The following APOO variants were observed in gnomAD, a reference collection of about 807,000 sequenced individuals.
APOO encodes apolipoprotein O.
In APOO, 11 loss-of-function variants were observed where a neutral mutation model predicts 23.1. The ratio of observed to expected loss-of-function variants is 0.48; its 90% CI spans 0.30 to 0.79. APOO has a LOEUF of 0.79. Ranked by LOEUF, APOO falls within the 30% of genes least tolerant of loss-of-function variation. The pLI, the probability that APOO is intolerant of heterozygous loss-of-function variation, is 0.07. For missense variants in APOO, 160 were observed against 142.7 expected (o/e 1.12, Z -0.62); for synonymous variants, 59 against 54.8 (o/e 1.08, Z -0.34).
intron 5 of APOO, among the ~76,000 whole-genome samples, chrX:23,863,351 A>G (rs777091752): frequency 1.1e-4 from 12 of 111,669 alleles, no homozygotes; most frequent in Non-Finnish European, 1.9e-4. Flanking sequence ...AAAAGAAAAG[A>G]CTTCTATCTA....
chrX:23,855,138 C>G (rs1045265451), intron 7 of APOO, among the ~76,000 whole-genome samples: 6 of 105,458 alleles, frequency 5.7e-5, no homozygotes, highest in African/African-American at 1.7e-4. Context: ...ACCTTCTGGG[C>G]TCAAGCAATC....
chrX:23,837,765 T>C (rs1923765050), intron 8 of APOO, among the ~76,000 whole-genome samples: 1 of 108,418 alleles, frequency 9.2e-6, no homozygotes, highest in Non-Finnish European at 1.9e-5. Context: ...GCTCAGGAGA[T>C]CCTCCCACCT....
At chrX:23,836,621 A>ATT (rs1923685988) in intron 8 of APOO, 1 of 645,531 alleles carries the variant, frequency 1.5e-6, no homozygotes, top group Non-Finnish European at 2.2e-6. Flanking sequence ...CCCCAGCCTA[A>ATT]TTTCTTTTTT....
At chrX:23,844,832 G>C (rs1370353423) in intron 7 of APOO, among the ~76,000 whole-genome samples, 2 of 112,143 alleles carry the variant, frequency 1.8e-5, no homozygotes, top group Non-Finnish European at 3.8e-5. Context: ...CTGACTACAG[G>C]GTATGGTTCC....
At chrX:23,872,944 G>A (rs1047105740) in intron 4 of APOO, among the ~76,000 whole-genome samples, 17 of 110,164 alleles carry the variant, frequency 1.5e-4, no homozygotes, top group Middle Eastern at 4.7e-3. Context: ...CTAGCTACTC[G>A]GGAGGCTGAG....
chrX:23,898,011 ATCTATCTAGACACAGGTT>A (rs1381585267), intron 1 of APOO, among the ~76,000 whole-genome samples: 5 of 107,287 alleles, frequency 4.7e-5, no homozygotes, highest in Non-Finnish European at 7.7e-5. Context: ...AAAAAAAAAA[ATCTATCTAGACACAGGTT>A]TCTATCTAGA....
chrX:23,907,637 G>C, intron 1 of APOO, 57 bp downstream of exon 1: 1 of 1,134,227 alleles, frequency 8.8e-7, no homozygotes. Flanking sequence ...AGCGCGGGGA[G>C]GGCTCGGGCG....
chrX:23,880,696 C>T (rs1926073851), intron 2 of APOO, 149 bp downstream of exon 2: 2 of 154,740 alleles, frequency 1.3e-5, no homozygotes, highest in Admixed American at 1.2e-4. Flanking sequence ...GAAACTCCGT[C>T]TCAAAATAAA....
At chrX:23,878,755 T>A (rs1925973337) in intron 3 of APOO, among the ~76,000 whole-genome samples, 160 bp downstream of exon 3, 1 of 109,044 alleles carries the variant, frequency 9.2e-6, no homozygotes, top group Non-Finnish European at 1.9e-5. Flanking sequence ...CCATTAGCCA[T>A]CCCCACCTTT....
chrX:23,888,977 A>C (rs1434750752), intron 1 of APOO, among the ~76,000 whole-genome samples: 1 of 90,371 alleles, frequency 1.1e-5, no homozygotes, highest in East Asian at 3.1e-4. Flanking sequence ...CCATCTCTAC[A>C]AAAAAAAAAA....
chrX:23,900,425 G>A (rs985179561), intron 1 of APOO, among the ~76,000 whole-genome samples: 1 of 111,017 alleles, frequency 9.0e-6, no homozygotes, highest in Non-Finnish European at 1.9e-5. Flanking sequence ...TGTAATCCCA[G>A]CACTTTGGGA....
intron 7 of APOO, among the ~76,000 whole-genome samples, chrX:23,842,466 A>C (rs1924027228): frequency 8.9e-6 from 1 of 111,825 alleles, no homozygotes; most frequent in South Asian, 3.7e-4. Flanking sequence ...CTATTTTCTT[A>C]ACACATCCAT....
At chrX:23,837,178 A>C in intron 8 of APOO, 5 of 922,595 alleles carry the variant, frequency 5.4e-6, no homozygotes, top group Non-Finnish European at 7.5e-6. Flanking sequence ...TTTCTTTCCA[A>C]GAAGGCTGAG....
chrX:23,892,518 A>G (rs1926707351), intron 1 of APOO, among the ~76,000 whole-genome samples: 1 of 110,507 alleles, frequency 9.0e-6, no homozygotes, highest in Admixed American at 9.8e-5. Flanking sequence ...TTGGCCTCTC[A>G]TACTGCTGGA....
chrX:23,861,665 T>C (rs931744265), intron 5 of APOO, among the ~76,000 whole-genome samples: 2 of 105,055 alleles, frequency 1.9e-5, no homozygotes, highest in Admixed American at 1.0e-4. Context: ...AAGGGGTGAG[T>C]ATGTCAGTGC....
chrX:23,865,579 C>A (rs763318251), intron 5 of APOO, among the ~76,000 whole-genome samples: 1 of 100,612 alleles, frequency 9.9e-6, no homozygotes, highest in Non-Finnish European at 2.0e-5. Context: ...ACTCCAGTCT[C>A]GGCAACAGAG....
At chrX:23,852,626 A>T (rs1279084240) in intron 7 of APOO, among the ~76,000 whole-genome samples, 2 of 109,652 alleles carry the variant, frequency 1.8e-5, no homozygotes, top group East Asian at 2.9e-4. Context: ...AAAAAAAAAA[A>T]ATATGAATTA....
At chrX:23,888,653 C>G (rs765553012) in intron 1 of APOO, among the ~76,000 whole-genome samples, 1 of 110,312 alleles carries the variant, frequency 9.1e-6, no homozygotes, top group Non-Finnish European at 1.9e-5. Context: ...GAGTTCAAGA[C>G]CAGCCTGGCC....
intron 7 of APOO, among the ~76,000 whole-genome samples, chrX:23,853,047 C>G (rs1432551630): frequency 9.1e-6 from 1 of 110,214 alleles, no homozygotes; most frequent in East Asian, 2.8e-4. Context: ...CACCTGAGTT[C>G]AGGAGTTCGA....
Sources: gnomAD v4.1 joint callset for allele counts (sites outside exome capture counted in the v4.1 genomes callset) on GRCh38, gnomAD v4.1.1 for gene constraint, MANE v1.5 for transcripts, NCBI Gene and HGNC (gene_info 2026-07-23, HGNC 2026-07-21) for gene names.